Variants in ADAMTSL3 observed in about 807,000 individuals in gnomAD.
The protein encoded by ADAMTSL3 is ADAMTS like 3, also known as ADAMTS-like protein 3.
In ADAMTSL3, 128 loss-of-function variants were observed where a neutral mutation model predicts 201.7. That is an observed-to-expected ratio of 0.63 (90% CI 0.55 to 0.73). The LOEUF is 0.73. Among genes scored for constraint, ADAMTSL3 ranks in the 30% least tolerant of loss-of-function variants. The pLI is 0.00. For missense variants in ADAMTSL3, 1,990 were observed against 2,119.6 expected, an observed-to-expected ratio of 0.94 and a Z score of 1.20; for synonymous variants, 738 against 748.4, an observed-to-expected ratio of 0.99 and a Z score of 0.23.
At chr15:83,899,874 TA>T (rs2065689770) in intron 15 of ADAMTSL3, 143 bp downstream of exon 15, 1 of 1,169,440 alleles carries the variant, frequency 8.6e-7, no homozygotes, top group African/African-American at 1.6e-5. Flanking sequence ...TTGAGCTGGC[TA>T]GAATTTTTCT....
chr15:83,899,572 C>A, intron 14 of ADAMTSL3, 75 bp from the exon 15 acceptor site: 2 of 1,411,010 alleles, frequency 1.4e-6, no homozygotes, highest in Non-Finnish European at 1.9e-6. Context: ...AAATCTTCAG[C>A]CAATATGATC....
At chr15:83,810,367 G>A (rs577376221) in intron 5 of ADAMTSL3, among the ~76,000 whole-genome samples, 15 of 152,250 alleles carry the variant, frequency 9.9e-5, no homozygotes, top group Non-Finnish European at 2.1e-4. Flanking sequence ...ACAAAGGCAA[G>A]TATGTCAGTG....
intron 4 of ADAMTSL3, among the ~76,000 whole-genome samples, chr15:83,803,518 C>A (rs1019203335): frequency 6.6e-6 from 1 of 152,034 alleles, no homozygotes; most frequent in Non-Finnish European, 1.5e-5. Flanking sequence ...CCATTGAATT[C>A]ACCAGGAAAA....
intron 23 of ADAMTSL3, among the ~76,000 whole-genome samples, chr15:84,011,569 G>A (rs2068006957): frequency 1.3e-5 from 2 of 152,134 alleles, no homozygotes; most frequent in African/African-American, 4.8e-5. Context: ...TGCTATAGTG[G>A]TTATTATTCA....
intron 6 of ADAMTSL3, among the ~76,000 whole-genome samples, chr15:83,831,177 C>G (rs542910597): frequency 6.6e-6 from 1 of 152,162 alleles, no homozygotes; most frequent in Non-Finnish European, 1.5e-5. Context: ...CCCCTCCTTT[C>G]ATAAGGACAC....
intron 15 of ADAMTSL3, among the ~76,000 whole-genome samples, chr15:83,906,781 G>T (rs749140368): frequency 1.1e-4 from 17 of 151,344 alleles, no homozygotes; most frequent in African/African-American, 1.5e-4. Context: ...TGATAATTTT[G>T]TCTATTATGT....
chr15:83,825,830 G>A (rs1352695904), intron 6 of ADAMTSL3, among the ~76,000 whole-genome samples: 1 of 152,050 alleles, frequency 6.6e-6, no homozygotes, highest in Non-Finnish European at 1.5e-5. Context: ...TAGAGTTGAG[G>A]TGAGAATACC....
intron 4 of ADAMTSL3, among the ~76,000 whole-genome samples, chr15:83,795,567 G>T (rs1187396753): frequency 6.6e-6 from 1 of 151,968 alleles, no homozygotes; most frequent in Non-Finnish European, 1.5e-5. Context: ...AAGGACTAGG[G>T]GGAAAATGTC....
At chr15:83,856,874 G>C (rs1226855927) in intron 7 of ADAMTSL3, among the ~76,000 whole-genome samples, 1 of 152,116 alleles carries the variant, frequency 6.6e-6, no homozygotes. Flanking sequence ...TTAATATCTT[G>C]AGGACTTGCC....
intron 4 of ADAMTSL3, among the ~76,000 whole-genome samples, chr15:83,786,519 C>G (rs1328907873): frequency 1.3e-5 from 2 of 152,046 alleles, no homozygotes; most frequent in African/African-American, 4.8e-5. Flanking sequence ...TGTAATCACC[C>G]TATTGTGCAA....
chr15:83,856,965 A>G (rs1244789059), intron 7 of ADAMTSL3, among the ~76,000 whole-genome samples: 1 of 151,988 alleles, frequency 6.6e-6, no homozygotes, highest in Non-Finnish European at 1.5e-5. Context: ...ATCCTCACCA[A>G]TACTTGTTAT....
At chr15:83,919,153 GA>G (rs2066090922) in intron 16 of ADAMTSL3, among the ~76,000 whole-genome samples, 1 of 152,176 alleles carries the variant, frequency 6.6e-6, no homozygotes, top group South Asian at 2.1e-4. Flanking sequence ...GTGTGAGTCT[GA>G]AGTGAAGAGG....
At chr15:83,691,349 A>G (rs2141456732) in intron 2 of ADAMTSL3, among the ~76,000 whole-genome samples, 1 of 152,148 alleles carries the variant, frequency 6.6e-6, no homozygotes, top group South Asian at 2.1e-4. Flanking sequence ...CATGTTGCCC[A>G]CCTTTAGCAG....
chr15:83,692,794 T>A (rs1322956136), intron 2 of ADAMTSL3, among the ~76,000 whole-genome samples: 1 of 152,004 alleles, frequency 6.6e-6, no homozygotes, highest in Non-Finnish European at 1.5e-5. Flanking sequence ...CCTGAAAAGC[T>A]TAGAAAAACA....
chr15:83,711,743 T>C (rs1352788418), intron 3 of ADAMTSL3, among the ~76,000 whole-genome samples: 1 of 152,244 alleles, frequency 6.6e-6, no homozygotes, highest in East Asian at 1.9e-4. Flanking sequence ...ACATGAACTC[T>C]GAATTTCATT....
rs186537342 is a variant in ADAMTSL3 at position 83,823,256 on chromosome 15, A to T, written c.600+3209A>T. Among the ~76,000 whole-genome samples, 1,161 of 151,720 alleles carry T rather than the reference A, an allele frequency of 7.7e-3. 20 individuals carry two copies. The highest frequency in any genetic ancestry group is 0.027 in the African/African-American group (1,100 of 41,252). ...AGAGGGAGAGCTGAAAAATATTTTT[A>T]AAAAATAATGAATGTGTCTAGTATT... is the stretch of plus-strand genomic sequence containing the variant. On this transcript the variant is annotated intron_variant, in intron 6 of 29. Coordinates refer to ENST00000286744, the MANE Select transcript of ADAMTSL3 (RefSeq NM_207517.3).
chr15:83,678,439 C>T (rs1290820937), intron 2 of ADAMTSL3, among the ~76,000 whole-genome samples: 2 of 151,360 alleles, frequency 1.3e-5, no homozygotes, highest in Admixed American at 6.6e-5. Context: ...TCTTTTTTAG[C>T]ACTTGAAACA....
chr15:83,906,622 CCACACA>C (rs1157198460), intron 15 of ADAMTSL3, among the ~76,000 whole-genome samples: 2,922 of 78,838 alleles, frequency 0.037, 42 homozygotes, highest in South Asian at 0.054. Context: ...GTGCCACACA[CCACACA>C]CACACACACA....
chr15:83,661,809 A>G (rs1178046608), intron 2 of ADAMTSL3, among the ~76,000 whole-genome samples: 25 of 150,232 alleles, frequency 1.7e-4, no homozygotes, highest in Admixed American at 1.6e-3. Context: ...GCAGCCAAAA[A>G]ACACATGAAA....
Sources: gnomAD v4.1 joint callset for allele counts (sites outside exome capture counted in the v4.1 genomes callset) on GRCh38, gnomAD v4.1.1 for gene constraint, MANE v1.5 for transcripts, NCBI Gene and HGNC (gene_info 2026-07-23, HGNC 2026-07-21) for gene names.